KLHL1: variants seen among roughly 807,000 people sequenced by gnomAD.
The protein encoded by KLHL1 is kelch-like protein 1.
In KLHL1, 47 loss-of-function variants were observed where a neutral mutation model predicts 77.7. The observed-to-expected ratio is 0.60, with a 90% confidence interval of 0.48 to 0.77. KLHL1 has a LOEUF of 0.77. KLHL1 is among the 30% of genes least tolerant of loss of function. The pLI is 0.00. For synonymous variants in KLHL1, 360 were observed against 325.2 expected (o/e 1.11, Z -1.15); for missense variants, 925 against 910.8 (o/e 1.02, Z -0.20).
rs781230576 is a variant in KLHL1 at position 69,839,075 on chromosome 13, A to G, written c.1315T>C (p.Leu439=). ...LILEAMKYHL[L]PERRTLMQSP... ...TGCATTAAAGTTCTTCTTTCTGGCA[A>G]TAGATGGTATTTCATTGCTTCTAGA... The change falls in exon 6 of 11, where the codon TTG becomes CTG. Residue 439 remains leucine (L), a synonymous_variant. Coordinates refer to ENST00000377844, the MANE Select transcript of KLHL1 (RefSeq NM_020866.3). The G allele has an allele frequency of 6.2e-7, 1 of 1,610,682 alleles. No individual in the cohort carries two copies. The highest frequency in any genetic ancestry group is 8.5e-7 in the Non-Finnish European group (1 of 1,178,014).
At chr13:70,075,163 C>A (rs1280694686) in intron 1 of KLHL1, among the ~76,000 whole-genome samples, 1 of 151,798 alleles carries the variant, frequency 6.6e-6, no homozygotes, top group Non-Finnish European at 1.5e-5. Context: ...TAAATACTCT[C>A]TTCATAGGGA....
intron 1 of KLHL1, among the ~76,000 whole-genome samples, chr13:69,985,805 TTATA>T (rs1884850040): frequency 6.8e-6 from 1 of 146,054 alleles, no homozygotes; most frequent in African/African-American, 2.5e-5. Flanking sequence ...TTATATATAT[TTATA>T]TATTATATAT....
chr13:69,918,290 G>A (rs1882511862), intron 4 of KLHL1, among the ~76,000 whole-genome samples: 1 of 151,608 alleles, frequency 6.6e-6, no homozygotes, highest in African/African-American at 2.4e-5. Flanking sequence ...TAGTTTTTAT[G>A]TATTGCCATA....
intron 7 of KLHL1, among the ~76,000 whole-genome samples, chr13:69,783,954 A>T (rs1039837085): frequency 5.9e-5 from 9 of 152,140 alleles, no homozygotes; most frequent in African/African-American, 2.2e-4. Flanking sequence ...GTTACCCACA[A>T]AGGGAAGCCC....
chr13:69,945,253 G>A (rs1017416515), intron 3 of KLHL1, among the ~76,000 whole-genome samples: 8 of 151,696 alleles, frequency 5.3e-5, no homozygotes, highest in Admixed American at 2.6e-4. Flanking sequence ...GATTACATGC[G>A]TGAGCCACTG....
At chr13:69,742,648 T>C (rs1166348128) in intron 7 of KLHL1, among the ~76,000 whole-genome samples, 1 of 152,182 alleles carries the variant, frequency 6.6e-6, no homozygotes, top group Non-Finnish European at 1.5e-5. Context: ...TTCACACATA[T>C]TACACAATTA....
intron 1 of KLHL1, among the ~76,000 whole-genome samples, chr13:70,026,121 C>G (rs1885934310): frequency 6.6e-6 from 1 of 152,066 alleles, no homozygotes; most frequent in South Asian, 2.1e-4. Context: ...GCTTCTTTGT[C>G]TGACCATAAC....
Position 69,855,660 on chromosome 13 carries a change from A to G in KLHL1, c.1228-16498T>C, listed in dbSNP as rs1879881395. Among the ~76,000 whole-genome samples, 7 of 151,624 alleles carry G rather than the reference A, an allele frequency of 4.6e-5. 1 individual carries two copies. The South Asian group carries it at 1.5e-3, about 32-fold the overall frequency. The stretch of plus-strand genomic sequence containing the variant: ...AATTTTCCTTCCTGCCGCCTCGTAA[A>G]GAAGGTCCCTGCTTCCCCTTCCCCT... On this transcript the variant is annotated intron_variant, in intron 5 of 10. Coordinates refer to ENST00000377844, the MANE Select transcript of KLHL1 (RefSeq NM_020866.3).
At chr13:70,003,180 C>G (rs959194066) in intron 1 of KLHL1, among the ~76,000 whole-genome samples, 17 of 151,662 alleles carry the variant, frequency 1.1e-4, no homozygotes, top group African/African-American at 3.9e-4. Flanking sequence ...ACAAATAAAT[C>G]TTTTCTCCAT....
chr13:69,788,904 A>ATGAT (rs1273376165), intron 7 of KLHL1, among the ~76,000 whole-genome samples: 1 of 152,132 alleles, frequency 6.6e-6, no homozygotes, highest in East Asian at 1.9e-4. Flanking sequence ...TATTATTCTA[A>ATGAT]TGATATTACA....
rs999105024 is a variant in KLHL1, at chr13:70,024,642, C to A, written c.498-48840G>T. 1.8e-4 allele frequency among the ~76,000 whole-genome samples: 27 copies of A among 147,480 alleles called. 1 individual carries two copies. Among genetic ancestry groups the A allele is most frequent in the South Asian group, 8.6e-4 (4 of 4,666 alleles). Reference sequence around the variant, plus strand: ...GATTTCTCTCTCTCTCTCTCTCTCTCTCTCTCTCTCTCTCTCTCGCTCTGG... The same window carrying A: ...GATTTCTCTCTCTCTCTCTCTCTCTATCTCTCTCTCTCTCTCTCGCTCTGG... On this transcript the variant is annotated intron_variant, in intron 1 of 10. Coordinates refer to ENST00000377844, the MANE Select transcript of KLHL1 (RefSeq NM_020866.3).
rs573578672 is a variant in KLHL1 at position 69,979,177 on chromosome 13, A to C, written c.498-3375T>G. The stretch of plus-strand genomic sequence containing the variant: ...AATTAGATAAGAGGCTCAAAAAAAA[A>C]ATAAATAAGTTCCAGTTCTCTCCTA... On this transcript the variant is annotated intron_variant, in intron 1 of 10. Coordinates refer to ENST00000377844, the MANE Select transcript of KLHL1 (RefSeq NM_020866.3). 6.9e-5 allele frequency among the ~76,000 whole-genome samples: 10 copies of C among 145,268 alleles called. No individual in the cohort carries two copies. In the South Asian group the frequency reaches 1.1e-3, roughly 16 times the overall value.
At chr13:69,713,736 A>T (rs1875985544) in intron 9 of KLHL1, among the ~76,000 whole-genome samples, 1 of 152,126 alleles carries the variant, frequency 6.6e-6, no homozygotes. Flanking sequence ...TTTATAACAT[A>T]TAACTTTCTA....
At chr13:70,094,612 A>G (rs937168280) in intron 1 of KLHL1, among the ~76,000 whole-genome samples, 1 of 152,138 alleles carries the variant, frequency 6.6e-6, no homozygotes. Flanking sequence ...ACCACATTGC[A>G]TACCTCCAAG....
intron 7 of KLHL1, among the ~76,000 whole-genome samples, chr13:69,753,751 G>A (rs1378416469): frequency 6.6e-6 from 1 of 151,978 alleles, no homozygotes; most frequent in East Asian, 1.9e-4. Flanking sequence ...ATTCTAACAG[G>A]GTTCTGTTGA....
chr13:70,081,629 G>T (rs1432839685), intron 1 of KLHL1, among the ~76,000 whole-genome samples: 1 of 152,150 alleles, frequency 6.6e-6, no homozygotes, highest in Non-Finnish European at 1.5e-5. Flanking sequence ...AATGGAGAGA[G>T]ACACTCTCTC....
At chr13:70,059,160 T>C (rs1307077263) in intron 1 of KLHL1, among the ~76,000 whole-genome samples, 1 of 150,560 alleles carries the variant, frequency 6.6e-6, no homozygotes, top group Non-Finnish European at 1.5e-5. Context: ...ATTTCTTCTT[T>C]TTTTTTTTTT....
At chr13:69,760,526 T>C (rs960900827) in intron 7 of KLHL1, among the ~76,000 whole-genome samples, 2 of 151,968 alleles carry the variant, frequency 1.3e-5, no homozygotes, top group Non-Finnish European at 2.9e-5. Context: ...CGGCTAATTT[T>C]TTATTTTTAG....
intron 1 of KLHL1, among the ~76,000 whole-genome samples, chr13:70,017,708 C>G (rs79440156): frequency 6.6e-6 from 1 of 152,242 alleles, no homozygotes; most frequent in African/African-American, 2.4e-5. Flanking sequence ...ACTACTATCA[C>G]GAGCACAAAA....
Sources: gnomAD v4.1 joint callset for allele counts (sites outside exome capture counted in the v4.1 genomes callset) on GRCh38, gnomAD v4.1.1 for gene constraint, MANE v1.5 for transcripts, NCBI Gene and HGNC (gene_info 2026-07-23, HGNC 2026-07-21) for gene names.